The following LASP1NB variants were observed in gnomAD, a reference collection of about 807,000 sequenced individuals.
The protein encoded by LASP1NB is LASP1 neighbor, also known as LASP1 neighbor protein.
chr17:38,928,529 A>C, the LASP1NB span: 20 of 152,110 alleles, frequency 1.3e-4, no homozygotes, highest in Admixed American at 1.3e-3. Context: ...CAACAGCCAG[A>C]TTTTGATGAG....
chr17:38,927,568 G>A, the LASP1NB span: 1 of 151,914 alleles, frequency 6.6e-6, no homozygotes, highest in East Asian at 1.9e-4. Flanking sequence ...CCGACATCAT[G>A]TCACTGCACT....
At chr17:38,925,811 C>G in the LASP1NB span, 1 of 398,388 alleles carries the variant, frequency 2.5e-6, no homozygotes, top group Non-Finnish European at 4.4e-6. Context: ...GAGAACAGCT[C>G]AGAAGGAAGG....
the LASP1NB span, chr17:38,925,750 C>T: frequency 7.5e-6 from 3 of 398,450 alleles, no homozygotes; most frequent in African/African-American, 4.1e-5. Context: ...TCATTCTGTC[C>T]TACATTATCT....
At chr17:38,925,812 AGAAG>A in the LASP1NB span, 1 of 398,610 alleles carries the variant, frequency 2.5e-6, no homozygotes, top group Non-Finnish European at 4.4e-6. Flanking sequence ...AGAACAGCTC[AGAAG>A]GAAGGATGGA....
chr17:38,926,649 T>A, the LASP1NB span: 2 of 152,230 alleles, frequency 1.3e-5, no homozygotes, highest in African/African-American at 4.8e-5. Flanking sequence ...TGGAGACTTA[T>A]TAAAGTTACC....
At chr17:38,928,273 C>T in the LASP1NB span, 9 of 152,072 alleles carry the variant, frequency 5.9e-5, no homozygotes, top group Non-Finnish European at 1.0e-4. Flanking sequence ...TAGCGAGACC[C>T]CCGTCTCCAC....
At chr17:38,927,103 T>TGA in the LASP1NB span, 1 of 150,252 alleles carries the variant, frequency 6.7e-6, no homozygotes. Flanking sequence ...TGAGTGTGTG[T>TGA]GTGTGTGTGT....
At chr17:38,928,914 G>A in the LASP1NB span, 1 of 152,186 alleles carries the variant, frequency 6.6e-6, no homozygotes, top group Non-Finnish European at 1.5e-5. Context: ...GATCTTTAAA[G>A]TATAGTCTAA....
chr17:38,926,893 GTC>G, the LASP1NB span: 1 of 152,038 alleles, frequency 6.6e-6, no homozygotes, highest in Non-Finnish European at 1.5e-5. Context: ...GGTTTCTCTT[GTC>G]TCACTCTCCA....
the LASP1NB span, chr17:38,928,379 C>A: frequency 6.6e-6 from 1 of 152,196 alleles, no homozygotes; most frequent in South Asian, 2.1e-4. Flanking sequence ...GTCGCATTAT[C>A]TCTTTGGAAA....
the LASP1NB span, among the ~76,000 whole-genome samples, chr17:38,926,120 T>G: frequency 1.3e-5 from 2 of 152,226 alleles, no homozygotes; most frequent in African/African-American, 4.8e-5. Context: ...TCCTAATTTC[T>G]TCTTCAAGTT....
the LASP1NB span, chr17:38,928,600 G>C: frequency 1.3e-5 from 2 of 151,960 alleles, no homozygotes; most frequent in South Asian, 2.1e-4. Flanking sequence ...TGCCTAAACT[G>C]TTTAAGGAAT....
At chr17:38,929,045 T>C in the LASP1NB span, 1 of 152,198 alleles carries the variant, frequency 6.6e-6, no homozygotes, top group Non-Finnish European at 1.5e-5. Flanking sequence ...ACTGGTGATA[T>C]ATACCACTGG....
At chr17:38,929,156 G>A in the LASP1NB span, 4 of 152,238 alleles carry the variant, frequency 2.6e-5, no homozygotes, top group South Asian at 4.1e-4. Flanking sequence ...AAAATTATAT[G>A]ACTTTGTGCT....
the LASP1NB span, chr17:38,925,998 G>A: frequency 2.8e-6 from 1 of 360,322 alleles, no homozygotes; most frequent in African/African-American, 2.1e-5. Flanking sequence ...TTCTTTCTTT[G>A]GGACCTAATT....
the LASP1NB span, chr17:38,925,946 T>G: frequency 5.1e-6 from 2 of 388,762 alleles, no homozygotes; most frequent in Non-Finnish European, 9.1e-6. Context: ...GCTTTCCTAT[T>G]TTTTTTCTTA....
chr17:38,926,395 T>C, the LASP1NB span: 3 of 152,150 alleles, frequency 2.0e-5, no homozygotes, highest in African/African-American at 4.8e-5. Context: ...TCTGAGACTT[T>C]TTATTTCTGG....
At chr17:38,925,631 C>A in the LASP1NB span, 2 of 398,382 alleles carry the variant, frequency 5.0e-6, no homozygotes, top group Non-Finnish European at 8.9e-6. Context: ...CCGACTGCAA[C>A]CTCCGTGCTC....
the LASP1NB span, chr17:38,925,770 A>G: frequency 2.5e-6 from 1 of 398,596 alleles, no homozygotes; most frequent in Non-Finnish European, 4.4e-6. Flanking sequence ...TATCTGCTCT[A>G]GTGGCCTGGA....
Sources: allele counts gnomAD v4.1 joint callset (sites outside exome capture counted in the v4.1 genomes callset), GRCh38; gene constraint gnomAD v4.1.1; transcripts MANE v1.5; gene names NCBI Gene and HGNC (gene_info 2026-07-23, HGNC 2026-07-21).